Variants in SEMA6D observed in about 807,000 individuals in gnomAD.
SEMA6D encodes semaphorin-6D.
SEMA6D carries 35 observed loss-of-function variants against 106.6 expected under a neutral mutation model. That is an observed-to-expected ratio of 0.33 (90% CI 0.25 to 0.44). The LOEUF (loss-of-function observed/expected upper bound fraction) is 0.44, where lower values mean the gene tolerates loss of function less well. Ranked by LOEUF, SEMA6D falls within the 20% of genes least tolerant of loss-of-function variation. SEMA6D has a pLI of 1.00. For missense variants in SEMA6D, 1,185 were observed against 1,345.9 expected (o/e 0.88, Z 1.87); for synonymous variants, 499 against 487.7 (o/e 1.02, Z -0.31).
chr15:47,401,338 C>T (rs558609356), intron 1 of SEMA6D, among the ~76,000 whole-genome samples: 1 of 152,220 alleles, frequency 6.6e-6, no homozygotes, highest in South Asian at 2.1e-4. Context: ...ATGACAAGCA[C>T]GTTGTCTCCT....
intron 1 of SEMA6D, among the ~76,000 whole-genome samples, chr15:47,759,512 A>T (rs1219874390): frequency 6.6e-6 from 1 of 152,146 alleles, no homozygotes; most frequent in Admixed American, 6.6e-5. Flanking sequence ...TACCTCCAAA[A>T]TTCTCGTGAA....
At chr15:47,295,243 G>A (rs750307611) in intron 1 of SEMA6D, among the ~76,000 whole-genome samples, 6 of 152,176 alleles carry the variant, frequency 3.9e-5, no homozygotes, top group Non-Finnish European at 8.8e-5. Context: ...TTGTATCTTT[G>A]CAGGTTTAAG....
At chr15:47,488,105 TC>T (rs2043351013) in intron 3 of SEMA6D, among the ~76,000 whole-genome samples, 1 of 152,122 alleles carries the variant, frequency 6.6e-6, no homozygotes, top group Non-Finnish European at 1.5e-5. Context: ...GTTTGTACAT[TC>T]CTGAATCAGT....
chr15:47,422,089 G>GT (rs1185715728), intron 2 of SEMA6D, among the ~76,000 whole-genome samples: 6 of 104,394 alleles, frequency 5.7e-5, no homozygotes, highest in African/African-American at 2.1e-4. Context: ...GGGGTCCATT[G>GT]TTTATTTTTT....
chr15:47,420,531 T>A (rs1413661735), intron 2 of SEMA6D, among the ~76,000 whole-genome samples: 1 of 152,070 alleles, frequency 6.6e-6, no homozygotes, highest in Non-Finnish European at 1.5e-5. Flanking sequence ...CATCTTCTAT[T>A]TTGTGCATTC....
chr15:47,585,471 T>G (rs942738388), intron 3 of SEMA6D, among the ~76,000 whole-genome samples: 6 of 152,304 alleles, frequency 3.9e-5, no homozygotes, highest in African/African-American at 1.4e-4. Context: ...TGGGAGCCTA[T>G]CCTCTTCTTG....
At chr15:47,449,463 G>T (rs539916210) in intron 2 of SEMA6D, among the ~76,000 whole-genome samples, 35 of 152,210 alleles carry the variant, frequency 2.3e-4, no homozygotes, top group African/African-American at 8.2e-4. Context: ...CTGAAGGCAG[G>T]TTCTTTCTCC....
chr15:47,298,503 C>T (rs565171836), intron 1 of SEMA6D, among the ~76,000 whole-genome samples: 18 of 152,160 alleles, frequency 1.2e-4, no homozygotes, highest in Non-Finnish European at 1.9e-4. Context: ...AGCAGTGTGA[C>T]TTAATGACTG....
intron 3 of SEMA6D, among the ~76,000 whole-genome samples, chr15:47,489,755 G>A (rs998060651): frequency 2.0e-5 from 3 of 151,914 alleles, no homozygotes; most frequent in South Asian, 2.1e-4. Flanking sequence ...AGGTTCAAGC[G>A]ATTCTCCTGC....
chr15:47,492,071 T>C (rs1334221886), intron 3 of SEMA6D, among the ~76,000 whole-genome samples: 1 of 152,112 alleles, frequency 6.6e-6, no homozygotes, highest in East Asian at 1.9e-4. Flanking sequence ...ACTTCCCAAT[T>C]AGTGGTTATG....
intron 1 of SEMA6D, among the ~76,000 whole-genome samples, chr15:47,313,149 TTA>T (rs2036513247): frequency 6.6e-6 from 1 of 152,192 alleles, no homozygotes; most frequent in African/African-American, 2.4e-5. Context: ...ACTTCATAGT[TTA>T]TGTTAGGTTT....
intron 17 of SEMA6D, among the ~76,000 whole-genome samples, chr15:47,768,138 A>AT (rs1309056808): frequency 6.6e-6 from 1 of 152,132 alleles, no homozygotes; most frequent in Non-Finnish European, 1.5e-5. Flanking sequence ...TTAACCAGAT[A>AT]TTTTCCAACA....
intron 3 of SEMA6D, among the ~76,000 whole-genome samples, chr15:47,483,973 G>C (rs1397158392): frequency 1.3e-5 from 2 of 151,966 alleles, no homozygotes; most frequent in Non-Finnish European, 2.9e-5. Flanking sequence ...TACATTCTTG[G>C]TCTTCCTGTG....
rs112465949 is a variant in SEMA6D, at chr15:47,447,474, T to C, written c.-158-23000T>C. On this transcript the variant is annotated intron_variant, in intron 2 of 19. Coordinates refer to the SEMA6D transcript ENST00000558014. ...AAGGACTGGGATTGGGGAGCTTGCCTATAGCTAAAGGGGTCTCCCAGGAAG... is the reference window on the plus strand; with the variant it reads ...AAGGACTGGGATTGGGGAGCTTGCCCATAGCTAAAGGGGTCTCCCAGGAAG... Among the ~76,000 whole-genome samples, 1,317 of 152,174 alleles carry C rather than the reference T, an allele frequency of 8.7e-3. 20 individuals are homozygous for C. The highest frequency in any genetic ancestry group is 0.03 in the African/African-American group (1,255 of 41,552).
At chr15:47,542,960 C>A (rs2142247312) in intron 3 of SEMA6D, among the ~76,000 whole-genome samples, 1 of 152,222 alleles carries the variant, frequency 6.6e-6, no homozygotes, top group East Asian at 1.9e-4. Flanking sequence ...GACCTCAGGT[C>A]AAGTTAGGTG....
chr15:47,682,193 A>C (rs896513277), intron 4 of SEMA6D, among the ~76,000 whole-genome samples: 7 of 147,580 alleles, frequency 4.7e-5, no homozygotes, highest in African/African-American at 1.5e-4. Flanking sequence ...TTTGATACGG[A>C]GTGTCACTCT....
rs71118186 is a variant in SEMA6D at position 47,552,891 on chromosome 15, A to AATATATATATATTTTTAT, written c.-86-47962_-86-47961insTTTTATATATATATATAT. Among the ~76,000 whole-genome samples the AATATATATATATTTTTAT allele has an allele frequency of 3.0e-3, 106 of 35,280 alleles. 7 individuals carry two copies. The highest frequency in any genetic ancestry group is 0.017 in the Middle Eastern group (1 of 60). The allele number at this position is 35,280 out of a possible 152,430, so 23.1% of individuals were successfully genotyped here. ...TTTTATATATATATAAATATATATA[A>AATATATATATATTTTTAT]ATATATATATATATAAATATATATA... On this transcript the variant is annotated intron_variant, in intron 3 of 19. Transcript: ENST00000558014.
intron 2 of SEMA6D, among the ~76,000 whole-genome samples, chr15:47,435,429 G>T (rs539723751): frequency 1.3e-5 from 2 of 152,128 alleles, no homozygotes; most frequent in Admixed American, 6.5e-5. Context: ...TCCTCCTTAT[G>T]CCCTGTAATA....
chr15:47,725,614 A>G (rs561401152), intron 1 of SEMA6D, among the ~76,000 whole-genome samples: 2 of 151,902 alleles, frequency 1.3e-5, no homozygotes, highest in South Asian at 4.2e-4. Context: ...CTGTTTAGAC[A>G]TTAGAGTTCC....
Sources: gnomAD v4.1 joint callset for allele counts (sites outside exome capture counted in the v4.1 genomes callset) on GRCh38, gnomAD v4.1.1 for gene constraint, MANE v1.5 for transcripts, NCBI Gene and HGNC (gene_info 2026-07-23, HGNC 2026-07-21) for gene names.